The following DLG2 variants were observed in gnomAD, a reference collection of about 807,000 sequenced individuals.
The protein encoded by DLG2 is discs large MAGUK scaffold protein 2.
DLG2 carries 45 observed loss-of-function variants against 132.5 expected under a neutral mutation model. The observed-to-expected ratio is 0.34, with a 90% CI of 0.27 to 0.44. The LOEUF is 0.44. Among genes scored for constraint, DLG2 ranks in the 20% least tolerant of loss-of-function variants. DLG2 has a pLI of 1.00. For missense variants in DLG2, 1,045 were observed against 1,196.9 expected (o/e 0.87, Z 1.87); for synonymous variants, 424 against 419.6 (o/e 1.01, Z -0.13).
chr11:83,674,121 C>T (rs914140350), intron 18 of DLG2, among the ~76,000 whole-genome samples: 2 of 152,130 alleles, frequency 1.3e-5, no homozygotes, highest in African/African-American at 4.8e-5. Flanking sequence ...AAAATATTTA[C>T]AACTAGCTGT....
intron 8 of DLG2, among the ~76,000 whole-genome samples, chr11:84,218,276 GGAGA>G (rs1387064510): frequency 6.9e-6 from 1 of 144,206 alleles, no homozygotes; most frequent in Non-Finnish European, 1.5e-5. Flanking sequence ...AGGGAAAAAG[GGAGA>G]GAGAGAAAGA....
intron 4 of DLG2, among the ~76,000 whole-genome samples, chr11:85,277,823 A>T (rs1345046680): frequency 3.3e-5 from 5 of 152,150 alleles, no homozygotes; most frequent in African/African-American, 4.8e-5. Flanking sequence ...GTCTCCAGGT[A>T]CCTAGTTGAA....
At chr11:84,029,635 A>T (rs963392171) in intron 11 of DLG2, among the ~76,000 whole-genome samples, 1 of 152,134 alleles carries the variant, frequency 6.6e-6, no homozygotes, top group African/African-American at 2.4e-5. Context: ...TAATAATAAA[A>T]GTCCACACAA....
intron 3 of DLG2, among the ~76,000 whole-genome samples, chr11:85,463,032 A>C (rs1285911431): frequency 6.6e-6 from 1 of 152,228 alleles, no homozygotes; most frequent in South Asian, 2.1e-4. Flanking sequence ...GAGATCCTTC[A>C]CAAGACACCA....
At chr11:83,622,239 T>C (rs2061747092) in intron 19 of DLG2, among the ~76,000 whole-genome samples, 1 of 152,182 alleles carries the variant, frequency 6.6e-6, no homozygotes, top group African/African-American at 2.4e-5. Flanking sequence ...TGCTATTAAT[T>C]TGTGAACAAG....
At chr11:85,013,526 A>G (rs1204434360) in intron 6 of DLG2, among the ~76,000 whole-genome samples, 1 of 152,212 alleles carries the variant, frequency 6.6e-6, no homozygotes, top group East Asian at 1.9e-4. Context: ...AAATCAGAGC[A>G]TATGATAAAA....
chr11:83,939,888 T>C (rs2082273885), intron 14 of DLG2, among the ~76,000 whole-genome samples: 1 of 152,230 alleles, frequency 6.6e-6, no homozygotes, highest in Admixed American at 6.5e-5. Context: ...AGCAGCTTCC[T>C]AGATGGCAAA....
chr11:83,770,179 A>G (rs2094327656), intron 18 of DLG2, among the ~76,000 whole-genome samples: 1 of 151,178 alleles, frequency 6.6e-6, no homozygotes, highest in African/African-American at 2.4e-5. Context: ...TCTTGTCCCT[A>G]AGTAAGTTTC....
intron 6 of DLG2, among the ~76,000 whole-genome samples, chr11:84,686,391 G>A (rs2099738193): frequency 6.6e-6 from 1 of 152,088 alleles, no homozygotes; most frequent in Admixed American, 6.6e-5. Flanking sequence ...TTCGTGTCTG[G>A]AGATCTAAAA....
chr11:83,626,885 T>A (rs1176194570), intron 19 of DLG2, among the ~76,000 whole-genome samples: 1 of 152,138 alleles, frequency 6.6e-6, no homozygotes, highest in African/African-American at 2.4e-5. Context: ...TCTGGAGCCA[T>A]GGAATGCTGG....
intron 6 of DLG2, among the ~76,000 whole-genome samples, chr11:84,913,963 C>A (rs924285258): frequency 8.5e-5 from 13 of 152,290 alleles, no homozygotes; most frequent in Admixed American, 5.2e-4. Context: ...ATCTCCCTTA[C>A]TCCCTCCCAT....
At chr11:85,049,069 A>C (rs2062636125) in intron 6 of DLG2, among the ~76,000 whole-genome samples, 1 of 152,016 alleles carries the variant, frequency 6.6e-6, no homozygotes, top group Non-Finnish European at 1.5e-5. Flanking sequence ...GTCATTCTCT[A>C]TGAGTATATT....
chr11:84,312,961 C>T (rs2098304895), intron 7 of DLG2, among the ~76,000 whole-genome samples: 1 of 150,318 alleles, frequency 6.7e-6, no homozygotes, highest in East Asian at 2.0e-4. Flanking sequence ...AGGTGCCCGC[C>T]ACCACGCCCG....
intron 6 of DLG2, among the ~76,000 whole-genome samples, chr11:84,861,640 CA>C (rs1248486704): frequency 5.4e-4 from 41 of 75,670 alleles, no homozygotes; most frequent in East Asian, 3.0e-3. Context: ...AAAAAAAAAA[CA>C]AAAAAAAAAA....
intron 6 of DLG2, among the ~76,000 whole-genome samples, chr11:85,055,828 A>C (rs1338380199): frequency 6.6e-6 from 1 of 152,102 alleles, no homozygotes; most frequent in African/African-American, 2.4e-5. Context: ...CTTGGTAAAC[A>C]TCTAAGGGTT....
intron 3 of DLG2, among the ~76,000 whole-genome samples, chr11:85,293,036 T>C (rs2079009999): frequency 6.6e-6 from 1 of 152,082 alleles, no homozygotes; most frequent in South Asian, 2.1e-4. Flanking sequence ...AATAAATTAA[T>C]AGTCATGGGA....
chr11:84,622,243 C>A (rs1412818172), intron 6 of DLG2, among the ~76,000 whole-genome samples: 2 of 152,072 alleles, frequency 1.3e-5, no homozygotes, highest in Non-Finnish European at 2.9e-5. Flanking sequence ...GTACCTTTAT[C>A]CTGAATAACT....
chr11:83,749,322 G>A (rs190559820), intron 18 of DLG2, among the ~76,000 whole-genome samples: 1 of 152,234 alleles, frequency 6.6e-6, no homozygotes, highest in East Asian at 1.9e-4. Context: ...CATTCAAACT[G>A]CTCAAGCTAA....
intron 7 of DLG2, among the ~76,000 whole-genome samples, chr11:84,400,157 A>G (rs891101217): frequency 6.6e-6 from 1 of 152,240 alleles, no homozygotes; most frequent in Non-Finnish European, 1.5e-5. Flanking sequence ...ATAAGCCCCC[A>G]GTTAGGAGAG....
Sources: gnomAD v4.1 joint callset for allele counts (sites outside exome capture counted in the v4.1 genomes callset) on GRCh38, gnomAD v4.1.1 for gene constraint, MANE v1.5 for transcripts, NCBI Gene and HGNC (gene_info 2026-07-23, HGNC 2026-07-21) for gene names.